FARP1: variants seen among roughly 807,000 people sequenced by gnomAD.
The protein encoded by FARP1 is FERM, ARHGEF and pleckstrin domain-containing protein 1.
A neutral mutation model predicts 128.8 loss-of-function variants in FARP1; 52 were observed. The ratio of observed to expected loss-of-function variants is 0.40; its 90% confidence interval spans 0.32 to 0.51. The LOEUF is 0.51. FARP1 is among the 20% of genes least tolerant of loss of function. FARP1 has a pLI of 0.45. For missense variants in FARP1, 1,333 were observed against 1,367.9 expected, an observed-to-expected ratio of 0.97 and a Z score of 0.40; for synonymous variants, 580 against 551.8, an observed-to-expected ratio of 1.05 and a Z score of -0.72.
chr13:98,386,186 CCT>C (rs1566941951), intron 8 of FARP1, among the ~76,000 whole-genome samples: 1 of 110,646 alleles, frequency 9.0e-6, no homozygotes, highest in Non-Finnish European at 1.8e-5. Context: ...GTAATGTGAT[CCT>C]TTTTTTTTTT....
intron 13 of FARP1, chr13:98,396,791 T>C (rs1333670870): frequency 3.6e-6 from 1 of 278,926 alleles, no homozygotes; most frequent in Non-Finnish European, 6.6e-6. Context: ...CACTTTATTA[T>C]GAATCCGATC....
At chr13:98,195,517 C>A (rs1429060239) in intron 1 of FARP1, among the ~76,000 whole-genome samples, 1 of 152,100 alleles carries the variant, frequency 6.6e-6, no homozygotes, top group African/African-American at 2.4e-5. Context: ...GTGTTTAGTT[C>A]TAACCCAGAC....
intron 2 of FARP1, among the ~76,000 whole-genome samples, chr13:98,313,740 G>C (rs1375913594): frequency 6.6e-6 from 1 of 152,048 alleles, no homozygotes; most frequent in East Asian, 1.9e-4. Context: ...CATTCCTTTA[G>C]AGAAAAAAAA....
intron 2 of FARP1, among the ~76,000 whole-genome samples, chr13:98,269,384 A>G (rs1445437523): frequency 1.3e-5 from 2 of 152,218 alleles, no homozygotes; most frequent in African/African-American, 4.8e-5. Flanking sequence ...GCTTGAATTG[A>G]GTGGTCATTT....
At chr13:98,150,677 C>T (rs1255038447) in intron 1 of FARP1, among the ~76,000 whole-genome samples, 2 of 152,162 alleles carry the variant, frequency 1.3e-5, no homozygotes. Context: ...CATATTGCTC[C>T]TTTCAAGAGA....
intron 2 of FARP1, chr13:98,244,875 C>G (rs1243390146): frequency 4.2e-6 from 6 of 1,435,012 alleles, no homozygotes; most frequent in Non-Finnish European, 5.4e-6. Context: ...AAGCTGCATA[C>G]AGAGGGGCCC....
intron 2 of FARP1, among the ~76,000 whole-genome samples, chr13:98,237,665 C>T (rs1012777094): frequency 3.3e-5 from 5 of 152,120 alleles, no homozygotes; most frequent in Admixed American, 6.6e-5. Context: ...CTATGGGACC[C>T]GTATGAAGTG....
chr13:98,228,401 A>G (rs577095807), intron 2 of FARP1, among the ~76,000 whole-genome samples: 5 of 151,810 alleles, frequency 3.3e-5, no homozygotes, highest in African/African-American at 1.2e-4. Context: ...AAAATGGTAA[A>G]CCCCATGTTA....
At chr13:98,426,890 G>A (rs1016559631) in intron 17 of FARP1, among the ~76,000 whole-genome samples, 12 of 152,178 alleles carry the variant, frequency 7.9e-5, no homozygotes, top group South Asian at 4.1e-4. Context: ...TGAAGTTAAC[G>A]TATTTTATCT....
At chr13:98,382,805 G>T (rs748079045) in intron 6 of FARP1, among the ~76,000 whole-genome samples, 1 of 151,700 alleles carries the variant, frequency 6.6e-6, no homozygotes, top group East Asian at 1.9e-4. Context: ...TCGCATTTTT[G>T]TGCATGTTTT....
chr13:98,407,177 C>G (rs1594500108), intron 13 of FARP1: 1 of 152,642 alleles, frequency 6.6e-6, no homozygotes, highest in African/African-American at 2.4e-5. Context: ...ACGCACAGTG[C>G]GAGAGCTGAA....
At chr13:98,190,386 T>C (rs1383939531) in intron 1 of FARP1, among the ~76,000 whole-genome samples, 1 of 152,158 alleles carries the variant, frequency 6.6e-6, no homozygotes, top group African/African-American at 2.4e-5. Flanking sequence ...TATAAATCAG[T>C]GTTGAAAAAG....
intron 1 of FARP1, among the ~76,000 whole-genome samples, chr13:98,154,326 T>A (rs1427839360): frequency 5.9e-4 from 90 of 152,222 alleles, no homozygotes; most frequent in Non-Finnish European, 7.3e-5. Context: ...GGTATCGTAT[T>A]TTTTATTTTA....
chr13:98,203,842 C>T (rs1365145610), intron 1 of FARP1: 1 of 152,156 alleles, frequency 6.6e-6, no homozygotes, highest in African/African-American at 2.4e-5. Flanking sequence ...AAGAAACTGC[C>T]AAAATGCTTT....
chr13:98,438,329 C>T (rs1340440582), intron 19 of FARP1, among the ~76,000 whole-genome samples: 2 of 152,106 alleles, frequency 1.3e-5, no homozygotes, highest in Non-Finnish European at 2.9e-5. Flanking sequence ...CCTCAAGGGT[C>T]CCTTGCTGCC....
chr13:98,248,749 C>T (rs1185255939), intron 2 of FARP1, among the ~76,000 whole-genome samples: 1 of 151,864 alleles, frequency 6.6e-6, no homozygotes, highest in Non-Finnish European at 1.5e-5. Context: ...TGTCTCAGCT[C>T]TCGCGCTGGA....
chr13:98,250,640 G>GA (rs1232472240), intron 2 of FARP1, among the ~76,000 whole-genome samples: 2 of 151,676 alleles, frequency 1.3e-5, no homozygotes, highest in African/African-American at 4.9e-5. Context: ...AGAATCGCTT[G>GA]AACCCGAGAG....
At chr13:98,433,381 A>G (rs1413941713) in intron 18 of FARP1, 1 of 152,234 alleles carries the variant, frequency 6.6e-6, no homozygotes, top group African/African-American at 2.4e-5. Flanking sequence ...AGTTCACAGA[A>G]GGGGAACACA....
At chr13:98,271,643 T>C (rs944300288) in intron 2 of FARP1, among the ~76,000 whole-genome samples, 5 of 152,298 alleles carry the variant, frequency 3.3e-5, no homozygotes, top group Admixed American at 2.6e-4. Flanking sequence ...CTCCCACTTA[T>C]GAGTGAGAAC....
Sources: allele counts gnomAD v4.1 joint callset (sites outside exome capture counted in the v4.1 genomes callset), GRCh38; gene constraint gnomAD v4.1.1; transcripts MANE v1.5; gene names NCBI Gene and HGNC (gene_info 2026-07-23, HGNC 2026-07-21).